The following CCDC73 variants were observed in gnomAD, a reference collection of about 807,000 sequenced individuals.
CCDC73 encodes coiled-coil domain containing 73.
Under a neutral mutation model 116.5 loss-of-function variants are expected in CCDC73, and 95 were observed. That is an observed-to-expected ratio of 0.82 (90% CI 0.69 to 0.97). CCDC73 has a LOEUF of 0.97. Ranked by LOEUF, CCDC73 falls within the 50% of genes least tolerant of loss-of-function variation. The pLI is 0.00. For synonymous variants in CCDC73, 398 were observed against 401.3 expected, an observed-to-expected ratio of 0.99 and a Z score of 0.10; for missense variants, 1,066 against 1,206.8, an observed-to-expected ratio of 0.88 and a Z score of 1.73.
chr11:32,762,792 G>A (rs1253907646), intron 1 of CCDC73, among the ~76,000 whole-genome samples: 1 of 152,180 alleles, frequency 6.6e-6, no homozygotes, highest in Non-Finnish European at 1.5e-5. Flanking sequence ...AGTGGAAGCA[G>A]GGTGAGGCAT....
intron 14 of CCDC73, among the ~76,000 whole-genome samples, chr11:32,626,699 C>G (rs1412687389): frequency 6.6e-6 from 1 of 152,152 alleles, no homozygotes; most frequent in Non-Finnish European, 1.5e-5. Context: ...TGATCTTTGA[C>G]AAACCTGACA....
intron 9 of CCDC73, among the ~76,000 whole-genome samples, chr11:32,662,727 A>T (rs1238035875): frequency 6.6e-6 from 1 of 152,060 alleles, no homozygotes; most frequent in Non-Finnish European, 1.5e-5. Context: ...TTTTGTTGCC[A>T]TTGCTTTTGG....
chr11:32,663,625 A>C (rs1055534802), intron 9 of CCDC73, among the ~76,000 whole-genome samples: 7 of 152,334 alleles, frequency 4.6e-5, no homozygotes, highest in African/African-American at 1.4e-4. Context: ...TCATCTGCAA[A>C]CAGAGACAAT....
intron 2 of CCDC73, among the ~76,000 whole-genome samples, chr11:32,757,597 A>T (rs1435171574): frequency 6.6e-6 from 1 of 152,172 alleles, no homozygotes; most frequent in Non-Finnish European, 1.5e-5. Flanking sequence ...GCAGGGCGGC[A>T]TACCTTCTAC....
chr11:32,657,197 T>TTACA (rs958564237), intron 9 of CCDC73, among the ~76,000 whole-genome samples: 1 of 152,218 alleles, frequency 6.6e-6, no homozygotes, highest in Admixed American at 6.5e-5. Flanking sequence ...GTTCTACATG[T>TTACA]TACAGCTTTA....
At chr11:32,633,488 C>A (rs1482723920) in intron 14 of CCDC73, among the ~76,000 whole-genome samples, 2 of 152,080 alleles carry the variant, frequency 1.3e-5, no homozygotes, top group African/African-American at 4.8e-5. Flanking sequence ...TAGGAGGACT[C>A]ATAGGACTCA....
chr11:32,796,730 C>T (rs1386458073), upstream of CCDC73, among the ~76,000 whole-genome samples: 1 of 152,066 alleles, frequency 6.6e-6, no homozygotes, highest in Middle Eastern at 3.2e-3. Context: ...GGTTTTTCGG[C>T]CAGCTGTGGT....
In CCDC73 at chr11:32,613,766, T is replaced by G; in HGVS notation, c.2552A>C (p.Asp851Ala). 1.9e-6 allele frequency: 3 copies of G among 1,613,958 alleles called. No individual in the cohort carries two copies. The highest frequency in any genetic ancestry group is 2.5e-6 in the Non-Finnish European group (3 of 1,179,910). Residue 851 changes from aspartate to alanine, a missense_variant, in exon 16 of 18, where the codon GAC (aspartate) becomes GCC (alanine). Coordinates refer to ENST00000335185, the MANE Select transcript of CCDC73 (RefSeq NM_001008391.4). The part of the protein sequence containing the change: ...NNTEKTESLN[D>A]IVSGKMFSEG... ...ACTGAACATTTTTCCTGAAACAATG[T>G]CATTTAATGATTCTGTTTTCTCTGT...
chr11:32,655,540 G>A (rs1305074812), intron 9 of CCDC73, among the ~76,000 whole-genome samples: 1 of 152,218 alleles, frequency 6.6e-6, no homozygotes, highest in Non-Finnish European at 1.5e-5. Context: ...AAACATGAAA[G>A]AGAACGATAT....
At chr11:32,636,592 C>G (rs1195156709) in intron 13 of CCDC73, among the ~76,000 whole-genome samples, 2 of 152,008 alleles carry the variant, frequency 1.3e-5, no homozygotes, top group African/African-American at 2.4e-5. Flanking sequence ...ATAAAAGTTT[C>G]TCTTGAACAA....
chr11:32,723,741 T>C (rs532878424), intron 2 of CCDC73, among the ~76,000 whole-genome samples: 1 of 152,310 alleles, frequency 6.6e-6, no homozygotes, highest in Admixed American at 6.5e-5. Context: ...TAAAAACACT[T>C]ATATCCTTGT....
Position 32,653,998 on chromosome 11 carries a change from G to C in CCDC73, c.814C>G (p.His272Asp), listed in dbSNP as rs752465902. Residue 272 changes from histidine (H) to aspartate (D), a missense_variant, in exon 11 of 18, where the codon CAT becomes GAT. His to Asp is a moderately conservative substitution (Grantham distance 81, BLOSUM62 -1). Transcript: ENST00000335185. ...LNEKINEEIT[H>D]IQEEKQDIII... ...CTTACCTGTTTTTCTTCTTGAATAT[G>C]GGTAATCTCTTCATTAATCTTCTCA... 2.5e-6 allele frequency: 4 copies of C among 1,599,078 alleles called. No individual in the cohort carries two copies. The Admixed American group carries it at 6.8e-5, about 27-fold the overall frequency.
In CCDC73 at chr11:32,718,912, C is replaced by CA. The variant is rs746618768; in HGVS notation, c.136-766dup. Among the ~76,000 whole-genome samples the CA allele has an allele frequency of 2.2e-3, 331 of 152,276 alleles. 4 individuals carry two copies. The highest frequency in any genetic ancestry group is 6.0e-4 in the Non-Finnish European group (41 of 68,026). On this transcript the variant is annotated intron_variant, in intron 2 of 17. Transcript: ENST00000335185. Reference sequence around the variant, plus strand: ...ACATATGAAGGAGGGACCAAACACTCATGAAGATCTCATCCTGAGACTCAG... The same window carrying CA: ...ACATATGAAGGAGGGACCAAACACTCAATGAAGATCTCATCCTGAGACTCAG...
intron 17 of CCDC73, 119 bp downstream of exon 17, chr11:32,611,013 C>T: frequency 3.3e-6 from 3 of 919,662 alleles, no homozygotes; most frequent in Non-Finnish European, 3.2e-6. Context: ...CCATGTTGCC[C>T]TCTTGATATT....
At chr11:32,792,798 G>T (rs1470162133) in intron 1 of CCDC73, among the ~76,000 whole-genome samples, 1 of 152,156 alleles carries the variant, frequency 6.6e-6, no homozygotes, top group Non-Finnish European at 1.5e-5. Flanking sequence ...CCACTTGTCG[G>T]CTGTGTAATC....
the CCDC73 span, among the ~76,000 whole-genome samples, chr11:32,802,850 T>C: frequency 6.6e-6 from 1 of 151,904 alleles, no homozygotes; most frequent in Non-Finnish European, 1.5e-5. Flanking sequence ...CCTCCCAGGT[T>C]CAAGCAATTC....
chr11:32,645,291 C>CTTTT (rs397689348), intron 12 of CCDC73, among the ~76,000 whole-genome samples: 6 of 121,080 alleles, frequency 5.0e-5, no homozygotes, highest in African/African-American at 6.2e-5. Flanking sequence ...TTTTCTTTTT[C>CTTTT]TTTTTTTTTT....
At chr11:32,686,973 A>G (rs904366875) in intron 6 of CCDC73, among the ~76,000 whole-genome samples, 2 of 152,252 alleles carry the variant, frequency 1.3e-5, no homozygotes, top group Admixed American at 6.5e-5. Flanking sequence ...ATAAAATGCA[A>G]ATGTTTTCCT....
intron 12 of CCDC73, among the ~76,000 whole-genome samples, chr11:32,643,449 G>C (rs886277284): frequency 2.6e-4 from 39 of 152,156 alleles, no homozygotes; most frequent in African/African-American, 9.4e-4. Flanking sequence ...GAACATCATA[G>C]AGTGTACTTA....
Sources: gnomAD v4.1 joint callset for allele counts (sites outside exome capture counted in the v4.1 genomes callset) on GRCh38, gnomAD v4.1.1 for gene constraint, MANE v1.5 for transcripts, NCBI Gene and HGNC (gene_info 2026-07-23, HGNC 2026-07-21) for gene names.